The following EHMT2 variants were observed in gnomAD, a reference collection of about 807,000 sequenced individuals.
EHMT2 encodes euchromatic histone lysine methyltransferase 2.
In EHMT2, 59 loss-of-function variants were observed where a neutral mutation model predicts 143.3. The ratio of observed to expected loss-of-function variants is 0.41; its 90% confidence interval spans 0.33 to 0.51. EHMT2 has a LOEUF of 0.51. EHMT2 is among the 20% of genes least tolerant of loss of function. The probability of loss-of-function intolerance (pLI) is 0.18; values close to 1 mark genes in which losing one functional copy is unlikely to be tolerated. For synonymous variants in EHMT2, 604 were observed against 651.5 expected, an observed-to-expected ratio of 0.93 and a Z score of 1.11; for missense variants, 1,174 against 1,645.9, an observed-to-expected ratio of 0.71 and a Z score of 4.96.
chr6:31,884,059 T>A lies in EHMT2; in HGVS notation c.2772-109A>T. The A allele has an allele frequency of 7.8e-7, 1 of 1,281,566 alleles. No individual in the cohort carries two copies. Among genetic ancestry groups the A allele is most frequent in the Non-Finnish European group, 1.1e-6 (1 of 942,862 alleles). 79.4% of individuals were successfully genotyped at this position (1,281,566 alleles called of 1,614,324 possible). On this transcript the variant is annotated intron_variant, in intron 21 of 27. Coordinates refer to ENST00000375537, the Ensembl canonical transcript of EHMT2. This position sits in a 1 kb window ranked among gnomAD's most constrained non-coding sequence, Gnocchi z 7.3. Reference sequence around the variant, plus strand: ...GTTCCTGGGGCTGGGGGCAGGGGAGTAAGGTTGCCAGGTAAGATGCAGGAC... The same window carrying A: ...GTTCCTGGGGCTGGGGGCAGGGGAGAAAGGTTGCCAGGTAAGATGCAGGAC...
exon 18 of EHMT2, chr6:31,886,662 G>A: frequency 1.9e-6 from 3 of 1,613,926 alleles, no homozygotes; most frequent in Non-Finnish European, 2.5e-6. Flanking sequence ...CGTGGTGGAG[G>A]CAGGTGGAAC....
Position 31,884,209 on chromosome 6 carries a change from G to A in EHMT2, c.2771+183C>T. On this transcript the variant is annotated intron_variant, in intron 21 of 27. Transcript: ENST00000375537. The surrounding 1 kb of genome is among the most constrained non-coding windows in gnomAD (Gnocchi z 7.3). ...GCATCTGAAATTCCAGTTTAACTGG[G>A]TGTCTTCTATTTTTATTTGCTGTAT... is the stretch of plus-strand genomic sequence containing the variant. The A allele has an allele frequency of 4.0e-6, 3 of 748,354 alleles. No individual in the cohort carries two copies. The highest frequency in any genetic ancestry group is 1.9e-5 in the South Asian group (1 of 51,316). 46.4% of individuals were successfully genotyped at this position (748,354 alleles called of 1,614,324 possible). A position where few individuals can be genotyped will look rare whatever the true frequency, so the allele number is the denominator to read the frequency against.
chr6:31,890,849 TG>T (rs774900700), intron 7 of EHMT2, among the ~76,000 whole-genome samples: 9 of 144,564 alleles, frequency 6.2e-5, no homozygotes, highest in African/African-American at 1.2e-4. Flanking sequence ...TGGGTGACAG[TG>T]TGAGACTCCA....
At position 31,884,263 on chromosome 6, in the gene EHMT2, T is replaced by C. The variant is rs561845670; in HGVS notation, c.2771+129A>G. On this transcript the variant is annotated intron_variant, in intron 21 of 27. Transcript: ENST00000375537. This position sits in a 1 kb window ranked among gnomAD's most constrained non-coding sequence, Gnocchi z 7.3. ...GCAACCCTAGTGGGGAGGGGGCCTG[T>C]GGGTGGTTCTGGGGATTCAGTGGTG... is the stretch of plus-strand genomic sequence containing the variant. 5.6e-6 allele frequency: 6 copies of C among 1,064,306 alleles called. No individual in the cohort carries two copies. Among genetic ancestry groups the C allele is most frequent in the African/African-American group, 1.8e-5 (1 of 57,128 alleles). The allele number at this position is 1,064,306 out of a possible 1,614,324, so 65.9% of individuals were successfully genotyped here.
Position 31,881,832 on chromosome 6 carries a change from G to A in EHMT2, c.3198-740C>T, listed in dbSNP as rs918535007. 1.3e-5 allele frequency among the ~76,000 whole-genome samples: 2 copies of A among 152,184 alleles called. No homozygotes were observed. The highest frequency in any genetic ancestry group is 4.8e-5 in the African/African-American group (2 of 41,440). On this transcript the variant is annotated intron_variant, in intron 25 of 27. Transcript: ENST00000375537. This position sits in a 1 kb window ranked among gnomAD's most constrained non-coding sequence, Gnocchi z 4.8. Reference sequence around the variant, plus strand: ...TAAAGGCCAAAGAATGGTCAGGCACGGTGGCTCACGCCTGTAATCCCAGCA... The same window carrying A: ...TAAAGGCCAAAGAATGGTCAGGCACAGTGGCTCACGCCTGTAATCCCAGCA...
rs1562482867 is a variant in EHMT2, at chr6:31,884,739, G to A, written c.2509C>T (p.Leu837Phe). The A allele has an allele frequency of 1.2e-6, 2 of 1,601,698 alleles. No homozygotes were observed. Among genetic ancestry groups the A allele is most frequent in the Non-Finnish European group, 8.5e-7 (1 of 1,174,476 alleles). ...TGGAGGTCACAGCGCGCATTCAGAAGGACTTCGGCGATGGCGGCGCTGCCC... is the reference window on the plus strand; with the variant it reads ...TGGAGGTCACAGCGCGCATTCAGAAAGACTTCGGCGATGGCGGCGCTGCCC... The change falls in exon 20 of 28, where the codon CTT becomes TTT. Residue 837 changes from leucine (L) to phenylalanine (F), a missense_variant. Physicochemically the swap from Leu to Phe is conservative, Grantham distance 22 (BLOSUM62 0). Transcript: ENST00000375537. The surrounding 1 kb of genome is among the most constrained non-coding windows in gnomAD (Gnocchi z 7.3).
intron 4 of EHMT2, chr6:31,893,356 T>C: frequency 2.2e-6 from 1 of 450,300 alleles, no homozygotes; most frequent in South Asian, 1.6e-5. Flanking sequence ...GGTCTCATTC[T>C]GTTACCCAGG....
intron 4 of EHMT2, chr6:31,893,761 T>C: frequency 4.5e-6 from 1 of 221,414 alleles, no homozygotes; most frequent in Non-Finnish European, 9.2e-6. Context: ...AAAGGATAAA[T>C]ACTGTATGAT....
intron 7 of EHMT2, among the ~76,000 whole-genome samples, chr6:31,890,861 T>C (rs1370923119): frequency 3.7e-5 from 5 of 134,296 alleles, no homozygotes; most frequent in African/African-American, 1.0e-4. Context: ...TGAGACTCCA[T>C]CTCAAAAAAC....
intron 7 of EHMT2, among the ~76,000 whole-genome samples, chr6:31,891,916 C>T (rs1765741173): frequency 1.3e-5 from 2 of 151,760 alleles, no homozygotes; most frequent in South Asian, 4.1e-4. Context: ...TGGTGGCCAC[C>T]TTTGTGGATG....
Position 31,888,692 on chromosome 6 carries a change from G to A in EHMT2, c.1272C>T (p.Pro424=), listed in dbSNP as rs1242649574. ...GTGCCTCCATGCGGCAGCTGCACAG[G>A]GGCAACTCCTCAAACCCTCGCTCTG... The change falls in exon 11 of 28, where the codon CCC becomes CCT. Residue 424 remains proline, a synonymous_variant. Coordinates refer to ENST00000375537, the Ensembl canonical transcript of EHMT2. The surrounding 1 kb of genome is among the most constrained non-coding windows in gnomAD (Gnocchi z 7.4). 2 of 1,613,764 alleles carry A rather than the reference G, an allele frequency of 1.2e-6. No homozygotes were observed. The highest frequency in any genetic ancestry group is 1.7e-6 in the Non-Finnish European group (2 of 1,179,996).
In EHMT2 at chr6:31,883,261, G is replaced by A; in HGVS notation, c.2994+101C>T. ...GTCCTCTCAGTCACTTCCCCCACAG[G>A]GTAGGAGGTGAGGGACATGGTCCCA... On this transcript the variant is annotated intron_variant, in intron 23 of 27. Transcript: ENST00000375537. The surrounding 1 kb of genome is among the most constrained non-coding windows in gnomAD (Gnocchi z 5.6). 8.1e-7 allele frequency: 1 copy of A among 1,232,342 alleles called. No homozygotes were observed. The highest frequency in any genetic ancestry group is 1.3e-5 in the South Asian group (1 of 75,864). 76.3% of individuals were successfully genotyped at this position (1,232,342 alleles called of 1,614,324 possible).
rs776033749 is a variant in EHMT2, at chr6:31,883,422, G to A, written c.2934C>T (p.Asp978=). Residue 978 remains aspartate (D), a synonymous_variant, in exon 23 of 28, where the codon GAC becomes GAT. Coordinates refer to ENST00000375537, the Ensembl canonical transcript of EHMT2. This position sits in a 1 kb window ranked among gnomAD's most constrained non-coding sequence, Gnocchi z 5.6. ...ACAGGCAGTTGGAGCTAGAGCAGTC[G>A]TCCACACACGTGCAGTGCTGGGGCG... 6.2e-6 allele frequency: 10 copies of A among 1,612,686 alleles called. No individual in the cohort carries two copies. The highest frequency in any genetic ancestry group is 3.3e-5 in the South Asian group (3 of 91,016).
At position 31,888,018 on chromosome 6, in the gene EHMT2, G is replaced by A; in HGVS notation, c.1745+23C>T. 1.3e-6 allele frequency: 2 copies of A among 1,571,966 alleles called. No homozygotes were observed. Among genetic ancestry groups the A allele is most frequent in the Non-Finnish European group, 1.7e-6 (2 of 1,159,120 alleles). On this transcript the variant is annotated intron_variant, in intron 13 of 27. Transcript: ENST00000375537. The surrounding 1 kb of genome is among the most constrained non-coding windows in gnomAD (Gnocchi z 7.4). ...ATAGGGGTGGGGGAGGGAACAGACA[G>A]TACAGAAGGGGGAGGCCAGTACCTG...
In EHMT2 at chr6:31,888,112, G is replaced by T. The variant is rs141566932; in HGVS notation, c.1674C>A (p.Ala558=). 1 of 1,611,654 alleles carries T rather than the reference G, an allele frequency of 6.2e-7. No homozygotes were observed. Residue 558 remains alanine (A), a synonymous_variant, in exon 13 of 28, where the codon GCC becomes GCA. Coordinates refer to ENST00000375537, the Ensembl canonical transcript of EHMT2. This position sits in a 1 kb window ranked among gnomAD's most constrained non-coding sequence, Gnocchi z 7.4. ...GTGGGGGTGCAGGAGCTGCAGTGCC[G>T]GCCGGTGGGGTCACCCCGTCACCCC...
rs1386008206 is a variant in EHMT2 at position 31,888,004 on chromosome 6, G to A, written c.1745+37C>T. ...CATGTCCAGGAGCAATAGGGGTGGGGGAGGGAACAGACAGTACAGAAGGGG... is the reference window on the plus strand; with the variant it reads ...CATGTCCAGGAGCAATAGGGGTGGGAGAGGGAACAGACAGTACAGAAGGGG... On this transcript the variant is annotated intron_variant, in intron 13 of 27. Transcript: ENST00000375537. The surrounding 1 kb of genome is among the most constrained non-coding windows in gnomAD (Gnocchi z 7.4). The A allele has an allele frequency of 2.6e-6, 4 of 1,568,166 alleles. No homozygotes were observed. The highest frequency in any genetic ancestry group is 3.5e-6 in the Non-Finnish European group (4 of 1,155,216).
intron 7 of EHMT2, among the ~76,000 whole-genome samples, chr6:31,890,681 T>C (rs948608512): frequency 4.0e-5 from 6 of 150,270 alleles, no homozygotes; most frequent in African/African-American, 9.8e-5. Flanking sequence ...CTGGCCAACA[T>C]AGTGAAACCC....
chr6:31,883,950 C>T lies in EHMT2; in HGVS notation c.2772G>A (p.Arg924=). ...CGTTCTCATAGCCCCGAGCCACGTC[C>T]CTGCAGAAGACGGGAAGAAGGGGCT... Residue 924 remains arginine (R), a splice_region_variant and synonymous_variant, in exon 22 of 28, where the codon CGG becomes CGA. Coordinates refer to ENST00000375537, the Ensembl canonical transcript of EHMT2. This position sits in a 1 kb window ranked among gnomAD's most constrained non-coding sequence, Gnocchi z 5.6. The T allele has an allele frequency of 6.2e-7, 1 of 1,613,294 alleles. No individual in the cohort carries two copies. Among genetic ancestry groups the T allele is most frequent in the African/African-American group, 1.3e-5 (1 of 74,902 alleles).
chr6:31,883,914 G>T lies in EHMT2; in HGVS notation c.2808C>A (p.Pro936=), dbSNP rs1374642257. ...GCTCCCCATCCACACCGTTGACACAGGGAATGGGCACGTTCTCATAGCCCC... is the reference window on the plus strand; with the variant it reads ...GCTCCCCATCCACACCGTTGACACATGGAATGGGCACGTTCTCATAGCCCC... Residue 936 remains proline, a synonymous_variant, in exon 22 of 28, where the codon CCC becomes CCA. Coordinates refer to ENST00000375537, the Ensembl canonical transcript of EHMT2. This position sits in a 1 kb window ranked among gnomAD's most constrained non-coding sequence, Gnocchi z 5.6. 1 of 1,614,010 alleles carries T rather than the reference G, an allele frequency of 6.2e-7. No individual in the cohort carries two copies. The highest frequency in any genetic ancestry group is 8.5e-7 in the Non-Finnish European group (1 of 1,179,962).
Sources: gnomAD v4.1 joint callset for allele counts (sites outside exome capture counted in the v4.1 genomes callset) on GRCh38, gnomAD v4.1.1 for gene constraint, Gnocchi (gnomAD v3.1) non-coding constraint, MANE v1.5 for transcripts, NCBI Gene and HGNC (gene_info 2026-07-23, HGNC 2026-07-21) for gene names.